Variants in MAD2L1 observed in about 807,000 individuals in gnomAD.
The protein encoded by MAD2L1 is mitotic arrest deficient 2 like 1.
A neutral mutation model predicts 25.9 loss-of-function variants in MAD2L1; 10 were observed. The observed-to-expected ratio is 0.39, with a 90% confidence interval of 0.24 to 0.66. The LOEUF (loss-of-function observed/expected upper bound fraction) is 0.66, where lower values mean the gene tolerates loss of function less well. Among genes scored for constraint, MAD2L1 ranks in the 30% least tolerant of loss-of-function variants. MAD2L1 has a pLI of 0.49. For synonymous variants in MAD2L1, 81 were observed against 91.8 expected, an observed-to-expected ratio of 0.88 and a Z score of 0.67; for missense variants, 180 against 246.4, an observed-to-expected ratio of 0.73 and a Z score of 1.80.
Position 120,059,863 on chromosome 4 carries a change from C to T in MAD2L1, c.*255G>A, listed in dbSNP as rs1726180495. 2 of 309,034 alleles carry T rather than the reference C, an allele frequency of 6.5e-6. No individual in the cohort carries two copies. Among genetic ancestry groups the T allele is most frequent in the East Asian group, 5.3e-5 (1 of 18,802 alleles). The allele number at this position is 309,034 out of a possible 1,614,324, so 19.1% of individuals were successfully genotyped here. A position where few individuals can be genotyped will look rare whatever the true frequency, so the allele number is the denominator to read the frequency against. The stretch of plus-strand genomic sequence containing the variant: ...CAGTTACTATCTTCAAAGGAATATA[C>T]ATCACAATGTTGACAAAAAAACCTC... On this transcript the variant is annotated 3_prime_UTR_variant, in exon 5 of 5. Coordinates refer to ENST00000296509, the MANE Select transcript of MAD2L1 (RefSeq NM_002358.4).
intron 1 of MAD2L1, 122 bp from the exon 2 acceptor site, chr4:120,065,940 T>C (rs1726307932): frequency 2.2e-6 from 2 of 903,072 alleles, no homozygotes; most frequent in South Asian, 4.1e-5. Flanking sequence ...TGAACACACG[T>C]GTATCTTGCT....
chr4:120,065,868 T>C, intron 1 of MAD2L1, 50 bp from the exon 2 acceptor site: 1 of 1,583,366 alleles, frequency 6.3e-7, no homozygotes, highest in Non-Finnish European at 8.6e-7. Flanking sequence ...TGCATAACTC[T>C]GGAAAATAAA....
Position 120,058,080 on chromosome 4 carries a change from AACTC to A in MAD2L1, c.*2034_*2037del, listed in dbSNP as rs1726140306. 6.6e-6 allele frequency: 1 copy of A among 151,934 alleles called. No individual in the cohort carries two copies. The highest frequency in any genetic ancestry group is 6.6e-5 in the Admixed American group (1 of 15,248). 9.4% of individuals were successfully genotyped at this position (151,934 alleles called of 1,614,324 possible). ...GACCATCTTGGCCAGGCTGGTCTCAAACTCCTGATCTCGTGATCCACCTGCCTCG... is the reference window on the plus strand; with the variant it reads ...GACCATCTTGGCCAGGCTGGTCTCAACTGATCTCGTGATCCACCTGCCTCG... On this transcript the variant is annotated 3_prime_UTR_variant, in exon 5 of 5. Transcript: ENST00000296509.
chr4:120,061,221 G>A (rs1726211386), intron 3 of MAD2L1, among the ~76,000 whole-genome samples: 1 of 152,202 alleles, frequency 6.6e-6, no homozygotes, highest in East Asian at 1.9e-4. Context: ...TGGTCTTAGT[G>A]TCAGGTCATT....
Position 120,060,035 on chromosome 4 carries a change from T to A in MAD2L1, c.*83A>T. The stretch of plus-strand genomic sequence containing the variant: ...TCCATGTAAAAATTAACCAATGAAA[T>A]AAAACATATCAACTATAGATGACTT... On this transcript the variant is annotated 3_prime_UTR_variant, in exon 5 of 5. Transcript: ENST00000296509. 2.5e-6 allele frequency: 3 copies of A among 1,205,808 alleles called. No homozygotes were observed. Among genetic ancestry groups the A allele is most frequent in the Non-Finnish European group, 3.5e-6 (3 of 858,008 alleles). 74.7% of individuals were successfully genotyped at this position (1,205,808 alleles called of 1,614,324 possible).
At chr4:120,063,872 C>T (rs948211991) in intron 2 of MAD2L1, among the ~76,000 whole-genome samples, 4 of 151,922 alleles carry the variant, frequency 2.6e-5, no homozygotes, top group African/African-American at 7.3e-5. Flanking sequence ...TAGCCAGGCA[C>T]GGTGGCAGGC....
intron 2 of MAD2L1, 103 bp from the exon 3 acceptor site, chr4:120,062,198 C>T: frequency 9.9e-7 from 1 of 1,014,814 alleles, no homozygotes; most frequent in Non-Finnish European, 1.4e-6. Flanking sequence ...CCTACCACTG[C>T]TATCTGGGAC....
At chr4:120,061,828 G>A in intron 3 of MAD2L1, 147 bp downstream of exon 3, 3 of 584,938 alleles carry the variant, frequency 5.1e-6, no homozygotes, top group Non-Finnish European at 8.6e-6. Context: ...TTTTCCATAG[G>A]TGACTGAGGA....
chr4:120,060,412 A>C, intron 4 of MAD2L1, 122 bp from the exon 5 acceptor site: 1 of 644,152 alleles, frequency 1.6e-6, no homozygotes, highest in Non-Finnish European at 2.5e-6. Context: ...GTCTCCAATC[A>C]CTAGTTAATT....
intron 2 of MAD2L1, among the ~76,000 whole-genome samples, chr4:120,063,300 T>C (rs1284440704): frequency 6.6e-6 from 1 of 152,180 alleles, no homozygotes; most frequent in Non-Finnish European, 1.5e-5. Context: ...GGGGCTCAGA[T>C]TGAGCCTTGA....
rs1726149860 is a variant in MAD2L1 at position 120,058,581 on chromosome 4, G to C, written c.*1537C>G. 1 of 152,412 alleles carries C rather than the reference G, an allele frequency of 6.6e-6. No homozygotes were observed. The highest frequency in any genetic ancestry group is 2.1e-4 in the South Asian group (1 of 4,830). The allele number at this position is 152,412 out of a possible 1,614,324, so 9.4% of individuals were successfully genotyped here. Reference sequence around the variant, plus strand: ...GGAGGCAGAGGCTGTAGTGAGCTGAGCTGCGTCACTGTACTCCAGCCTGGG... The same window carrying C: ...GGAGGCAGAGGCTGTAGTGAGCTGACCTGCGTCACTGTACTCCAGCCTGGG... On this transcript the variant is annotated 3_prime_UTR_variant, in exon 5 of 5. Coordinates refer to ENST00000296509, the MANE Select transcript of MAD2L1 (RefSeq NM_002358.4).
At chr4:120,061,016 T>A (rs748305272) in intron 3 of MAD2L1, 39 bp from the exon 4 acceptor site, 3 of 1,207,076 alleles carry the variant, frequency 2.5e-6, no homozygotes, top group Non-Finnish European at 3.7e-6. Context: ...TCATTTCAGG[T>A]CTTAACAAAT....
rs533677282 is a variant in MAD2L1, at chr4:120,063,820, G to A, written c.221-1725C>T. Among the ~76,000 whole-genome samples, 6 of 152,232 alleles carry A rather than the reference G, an allele frequency of 3.9e-5. No homozygotes were observed. In the South Asian group the frequency reaches 1.0e-3, roughly 26 times the overall value. On this transcript the variant is annotated intron_variant, in intron 2 of 4. Coordinates refer to ENST00000296509, the MANE Select transcript of MAD2L1 (RefSeq NM_002358.4). ...AGGTCAGGAGTTCGACACCAGCCTG[G>A]CCAAGATGGTGAAACCCTGTCTCTA...
chr4:120,065,591 T>C lies in MAD2L1; in HGVS notation c.220+81A>G, dbSNP rs368224624. ...AATATATTTGAGATGTCAGTACACT[T>C]CTATGTGCAGAGCGGAAAAATGACT... is the stretch of plus-strand genomic sequence containing the variant. On this transcript the variant is annotated intron_variant, in intron 2 of 4. Transcript: ENST00000296509. 9 of 1,271,758 alleles carry C rather than the reference T, an allele frequency of 7.1e-6. No individual in the cohort carries two copies. The African/African-American group carries it at 8.9e-5, about 13-fold the overall frequency. The allele number at this position is 1,271,758 out of a possible 1,614,324, so 78.8% of individuals were successfully genotyped here. A position where few individuals can be genotyped will look rare whatever the true frequency, so the allele number is the denominator to read the frequency against.
At chr4:120,062,187 T>A (rs1278961843) in intron 2 of MAD2L1, 92 bp from the exon 3 acceptor site, 1 of 1,162,134 alleles carries the variant, frequency 8.6e-7, no homozygotes, top group African/African-American at 1.6e-5. Context: ...CTCAGCAAAT[T>A]CCTACCACTG....
At chr4:120,061,019 TAAC>T (rs1245873183) in intron 3 of MAD2L1, 42 bp from the exon 4 acceptor site, 4 of 1,165,726 alleles carry the variant, frequency 3.4e-6, no homozygotes, top group Admixed American at 3.5e-5. Context: ...TTTCAGGTCT[TAAC>T]AAATTATTTC....
In MAD2L1 at chr4:120,056,332, ATATT is replaced by A. The variant is rs1035666211; in HGVS notation, c.*3782_*3785del. On this transcript the variant is annotated 3_prime_UTR_variant, in exon 5 of 5. Coordinates refer to ENST00000296509, the MANE Select transcript of MAD2L1 (RefSeq NM_002358.4). ...GTGTTTATTCCCCTAATGTATTTATATATTTGTTGCCAGGAATTCCAATGCTGAG... is the reference window on the plus strand; with the variant it reads ...GTGTTTATTCCCCTAATGTATTTATATGTTGCCAGGAATTCCAATGCTGAG... 5 of 152,342 alleles carry A rather than the reference ATATT, an allele frequency of 3.3e-5. No individual in the cohort carries two copies. Among genetic ancestry groups the A allele is most frequent in the Admixed American group, 6.5e-5 (1 of 15,302 alleles). 9.4% of individuals were successfully genotyped at this position (152,342 alleles called of 1,614,324 possible).
chr4:120,065,890 T>A, intron 1 of MAD2L1, 72 bp from the exon 2 acceptor site: 1 of 1,491,080 alleles, frequency 6.7e-7, no homozygotes, highest in South Asian at 1.2e-5. Context: ...TATATTTAGA[T>A]GTTGCTATAT....
chr4:120,066,287 C>T (rs1478529924), intron 1 of MAD2L1, among the ~76,000 whole-genome samples: 1 of 152,030 alleles, frequency 6.6e-6, no homozygotes, highest in African/African-American at 2.4e-5. Context: ...TTGTCTACTG[C>T]CAGCCTCATG....
Sources: allele counts gnomAD v4.1 joint callset (sites outside exome capture counted in the v4.1 genomes callset), GRCh38; gene constraint gnomAD v4.1.1; transcripts MANE v1.5; gene names NCBI Gene and HGNC (gene_info 2026-07-23, HGNC 2026-07-21).